The following PARN variants were observed in gnomAD, a reference collection of about 807,000 sequenced individuals.
PARN encodes the protein poly(A)-specific ribonuclease PARN.
Under a neutral mutation model 102.8 loss-of-function variants are expected in PARN, and 71 were observed. That is an observed-to-expected ratio of 0.69 (90% CI 0.57 to 0.84). The LOEUF (loss-of-function observed/expected upper bound fraction) is 0.84. Among genes scored for constraint, PARN ranks in the 40% least tolerant of loss-of-function variants. The pLI is 0.00. For synonymous variants in PARN, 261 were observed against 252.9 expected (o/e 1.03, Z -0.30); for missense variants, 782 against 760.9 (o/e 1.03, Z -0.33).
chr16:14,447,962 CT>C (rs1961275950), intron 22 of PARN, among the ~76,000 whole-genome samples: 2 of 151,862 alleles, frequency 1.3e-5, no homozygotes, highest in Non-Finnish European at 2.9e-5. Flanking sequence ...ATCTATCTAT[CT>C]ATCTATCTAT....
At chr16:14,613,852 G>A (rs754412511) in intron 6 of PARN, among the ~76,000 whole-genome samples, 2 of 152,044 alleles carry the variant, frequency 1.3e-5, no homozygotes, top group African/African-American at 2.4e-5. Flanking sequence ...GAGGAGAAGC[G>A]GGAAGGCAAC....
intron 12 of PARN, among the ~76,000 whole-genome samples, chr16:14,594,436 G>A (rs961010874): frequency 2.0e-5 from 3 of 152,256 alleles, no homozygotes; most frequent in Admixed American, 6.5e-5. Context: ...ATCAGGGGCC[G>A]GGCGTGGTGG....
intron 7 of PARN, among the ~76,000 whole-genome samples, chr16:14,610,426 T>A (rs368674962): frequency 6.6e-6 from 1 of 151,070 alleles, no homozygotes; most frequent in Non-Finnish European, 1.5e-5. Context: ...TAAGCCAGGA[T>A]TGCACCAATG....
chr16:14,439,819 C>T (rs993578670), intron 23 of PARN, among the ~76,000 whole-genome samples: 1 of 151,972 alleles, frequency 6.6e-6, no homozygotes, highest in East Asian at 1.9e-4. Flanking sequence ...TTCGAGACCA[C>T]CCTGGCCAAC....
intron 21 of PARN, among the ~76,000 whole-genome samples, chr16:14,508,510 T>C (rs1056967081): frequency 6.6e-6 from 1 of 152,108 alleles, no homozygotes; most frequent in African/African-American, 2.4e-5. Context: ...ATCTAAAAAG[T>C]GAGTGTGGGG....
At chr16:14,494,825 C>T (rs115913974) in intron 21 of PARN, among the ~76,000 whole-genome samples, 3,307 of 152,244 alleles carry the variant, frequency 0.022, 59 homozygotes, top group African/African-American at 0.046. Flanking sequence ...AGAGAAACTA[C>T]ACAGTTCTCC....
At position 14,628,223 on chromosome 16, in the gene PARN, T is replaced by C; in HGVS notation, c.126A>G (p.Ala42=). ...CTGGAGTGTCAAAACCATTTGTTAA[T>C]GCAGAGACTGAAGGTCCATCACTGA... The part of the protein sequence containing the change: ...SGISDGPSVS[A]LTNGFDTPEE... The change falls in exon 3 of 24, where the codon GCA becomes GCG. Residue 42 remains alanine, a synonymous_variant. Transcript: ENST00000437198. 6.2e-7 allele frequency: 1 copy of C among 1,606,824 alleles called. No homozygotes were observed. Among genetic ancestry groups the C allele is most frequent in the African/African-American group, 1.3e-5 (1 of 74,890 alleles).
chr16:14,449,470 T>G (rs1450626709), intron 22 of PARN, among the ~76,000 whole-genome samples: 1 of 152,234 alleles, frequency 6.6e-6, no homozygotes, highest in Non-Finnish European at 1.5e-5. Flanking sequence ...TTTCTTGCCA[T>G]GTCTCACAAT....
intron 18 of PARN, among the ~76,000 whole-genome samples, chr16:14,578,799 C>T (rs1969323904): frequency 6.6e-6 from 1 of 152,096 alleles, no homozygotes; most frequent in Non-Finnish European, 1.5e-5. Flanking sequence ...CAGAAGGATT[C>T]CCAAATCCCA....
At chr16:14,541,862 C>T (rs1168000608) in intron 21 of PARN, among the ~76,000 whole-genome samples, 1 of 152,194 alleles carries the variant, frequency 6.6e-6, no homozygotes, top group African/African-American at 2.4e-5. Flanking sequence ...AGAACATTCA[C>T]AATGTCCAGG....
intron 9 of PARN, 162 bp downstream of exon 9, chr16:14,608,119 A>T: frequency 1.6e-6 from 1 of 638,246 alleles, no homozygotes; most frequent in Middle Eastern, 2.5e-4. Flanking sequence ...TAACAAAAGA[A>T]AATTAAGTGA....
chr16:14,480,592 T>A (rs1567308347), intron 22 of PARN, among the ~76,000 whole-genome samples: 1 of 152,056 alleles, frequency 6.6e-6, no homozygotes, highest in Non-Finnish European at 1.5e-5. Flanking sequence ...ATGAGAGAAA[T>A]GCAAATTAAA....
intron 22 of PARN, among the ~76,000 whole-genome samples, chr16:14,467,094 T>G (rs1480765746): frequency 6.6e-5 from 10 of 152,232 alleles, no homozygotes; most frequent in Admixed American, 6.5e-4. Flanking sequence ...CCATCAACCA[T>G]GTGGAGAAGT....
At chr16:14,607,635 T>C (rs1971276289) in intron 9 of PARN, among the ~76,000 whole-genome samples, 1 of 151,852 alleles carries the variant, frequency 6.6e-6, no homozygotes, top group Non-Finnish European at 1.5e-5. Context: ...GCAGGTGGAG[T>C]AGGCTGCAAG....
chr16:14,483,844 T>C (rs996459048), intron 21 of PARN, among the ~76,000 whole-genome samples: 1 of 152,190 alleles, frequency 6.6e-6, no homozygotes, highest in African/African-American at 2.4e-5. Context: ...CATTTTTTTG[T>C]ATTTATCTTA....
chr16:14,609,026 A>C (rs762286785), intron 8 of PARN, 32 bp downstream of exon 8: 18 of 1,325,490 alleles, frequency 1.4e-5, no homozygotes, highest in Non-Finnish European at 1.9e-5. Context: ...TTTCCAAAAA[A>C]AGGACATGCA....
chr16:14,557,729 A>C (rs2151714307), intron 18 of PARN, among the ~76,000 whole-genome samples: 1 of 152,284 alleles, frequency 6.6e-6, no homozygotes, highest in Middle Eastern at 3.4e-3. Flanking sequence ...TATGGCTAAG[A>C]AACCAAATTT....
At chr16:14,492,524 T>C (rs959577595) in intron 21 of PARN, among the ~76,000 whole-genome samples, 1 of 152,114 alleles carries the variant, frequency 6.6e-6, no homozygotes, top group Non-Finnish European at 1.5e-5. Context: ...GGCACCCAAC[T>C]AGGATGTAGC....
At chr16:14,476,953 C>T (rs990726701) in intron 22 of PARN, among the ~76,000 whole-genome samples, 4 of 152,132 alleles carry the variant, frequency 2.6e-5, no homozygotes, top group Non-Finnish European at 4.4e-5. Context: ...GGACACAGAA[C>T]AAACAGGACA....
Sources: allele counts gnomAD v4.1 joint callset (sites outside exome capture counted in the v4.1 genomes callset), GRCh38; gene constraint gnomAD v4.1.1; transcripts MANE v1.5; gene names NCBI Gene and HGNC (gene_info 2026-07-23, HGNC 2026-07-21).